The following FOCAD variants were observed in gnomAD, a reference collection of about 807,000 sequenced individuals.
The protein encoded by FOCAD is KIAA1797.
In FOCAD, 198 loss-of-function variants were observed where a neutral mutation model predicts 225.6. The observed-to-expected ratio is 0.88, with a 90% CI of 0.78 to 0.99. The LOEUF is 0.99. FOCAD is among the 50% of genes least tolerant of loss of function. The pLI is 0.00. For missense variants in FOCAD, 2,713 were observed against 2,123.6 expected, an observed-to-expected ratio of 1.28 and a Z score of -5.46; for synonymous variants, 897 against 755.0, an observed-to-expected ratio of 1.19 and a Z score of -3.08.
chr9:20,769,954 T>C, intron 7 of FOCAD, 78 bp from the exon 8 acceptor site: 1 of 1,338,112 alleles, frequency 7.5e-7, no homozygotes, highest in South Asian at 1.3e-5. Context: ...ATTACATTGT[T>C]CAAAGCTTTT....
chr9:20,719,273 G>T (rs913058118), intron 3 of FOCAD, among the ~76,000 whole-genome samples: 1 of 152,042 alleles, frequency 6.6e-6, no homozygotes, highest in Non-Finnish European at 1.5e-5. Context: ...AGTAGAGACT[G>T]GGTTTCACCA....
At chr9:20,817,674 G>A (rs913647709) in intron 11 of FOCAD, among the ~76,000 whole-genome samples, 9 of 150,056 alleles carry the variant, frequency 6.0e-5, no homozygotes, top group Admixed American at 4.0e-4. Flanking sequence ...TTTTCTCTTA[G>A]CATAATGTTT....
chr9:20,935,946 A>T (rs968137655), intron 28 of FOCAD, among the ~76,000 whole-genome samples: 1 of 152,226 alleles, frequency 6.6e-6, no homozygotes, highest in Non-Finnish European at 1.5e-5. Context: ...TCATTTCATT[A>T]ATGAAAGATA....
intron 29 of FOCAD, among the ~76,000 whole-genome samples, chr9:20,945,150 C>G (rs537468799): frequency 6.6e-6 from 1 of 152,180 alleles, no homozygotes; most frequent in Admixed American, 6.5e-5. Context: ...AACTGCTGAT[C>G]AAAAGGCGTT....
chr9:20,717,838 T>G lies in FOCAD; in HGVS notation c.102T>G (p.Phe34Leu). 6.2e-7 allele frequency: 1 copy of G among 1,612,808 alleles called. No individual in the cohort carries two copies. Among genetic ancestry groups the G allele is most frequent in the Non-Finnish European group, 8.5e-7 (1 of 1,179,466 alleles). ...LIAAVLKENG[F>L]SEKIHQSTNQ... Reference sequence around the variant, plus strand: ...CTGCAGTCCTAAAGGAAAATGGTTTTTCAGAAAAGATTCACCAATCTACAA... The same window carrying G: ...CTGCAGTCCTAAAGGAAAATGGTTTGTCAGAAAAGATTCACCAATCTACAA... Residue 34 changes from phenylalanine to leucine, a missense_variant, in exon 3 of 44, where the codon TTT becomes TTG. Coordinates refer to ENST00000338382, the MANE Select transcript of FOCAD (RefSeq NM_001375567.1).
intron 9 of FOCAD, among the ~76,000 whole-genome samples, chr9:20,779,265 G>A (rs1819109747): frequency 6.6e-6 from 1 of 152,228 alleles, no homozygotes; most frequent in Non-Finnish European, 1.5e-5. Context: ...TTCTAGTTAA[G>A]AAGAATGTGG....
intron 7 of FOCAD, among the ~76,000 whole-genome samples, chr9:20,768,633 T>C (rs1817843169): frequency 6.6e-6 from 1 of 152,178 alleles, no homozygotes; most frequent in Admixed American, 6.6e-5. Context: ...GTCTTACTTA[T>C]ACTGAGCACT....
chr9:20,862,866 C>G, intron 16 of FOCAD, 154 bp downstream of exon 16: 1 of 622,834 alleles, frequency 1.6e-6, no homozygotes, highest in Non-Finnish European at 2.5e-6. Context: ...AGTAAGATAG[C>G]TCCTCATCAA....
chr9:20,706,027 T>C lies in FOCAD; in HGVS notation c.-32-9295T>C, dbSNP rs565438734. On this transcript the variant is annotated intron_variant, in intron 1 of 43. Coordinates refer to ENST00000338382, the MANE Select transcript of FOCAD (RefSeq NM_001375567.1). Reference sequence around the variant, plus strand: ...CTGGCTCTCTGGAGCCTTGATCTACTGGACTCAAGTGATCTTCCCACCTCA... The same window carrying C: ...CTGGCTCTCTGGAGCCTTGATCTACCGGACTCAAGTGATCTTCCCACCTCA... Among the ~76,000 whole-genome samples, 42 of 149,200 alleles carry C rather than the reference T, an allele frequency of 2.8e-4. 1 individual carries two copies. The highest frequency in any genetic ancestry group is 1.0e-3 in the African/African-American group (42 of 40,510).
rs1564024181 is a variant in FOCAD at position 20,815,123 on chromosome 9, G to GTGTTTTTTTTTTTTTTTTTTTTTTTT, written c.1456-4672_1456-4671insGTTTTTTTTTTTTTTTTTTTTTTTTT. ...TCTGGAAATATCATTACTTCTCTTT[G>GTGTTTTTTTTTTTTTTTTTTTTTTTT]TTTTTTTTTTTTTGTTTTTTTTTTT... On this transcript the variant is annotated intron_variant, in intron 11 of 43. Transcript: ENST00000338382. 5.9e-4 allele frequency among the ~76,000 whole-genome samples: 50 copies of GTGTTTTTTTTTTTTTTTTTTTTTTTT among 85,384 alleles called. 13 individuals are homozygous for GTGTTTTTTTTTTTTTTTTTTTTTTTT. The highest frequency in any genetic ancestry group is 8.5e-4 in the Non-Finnish European group (38 of 44,550). The allele number at this position is 85,384 out of a possible 152,430, so 56.0% of individuals were successfully genotyped here.
At chr9:20,807,797 C>A (rs1297949353) in intron 11 of FOCAD, among the ~76,000 whole-genome samples, 2 of 152,134 alleles carry the variant, frequency 1.3e-5, no homozygotes, top group Non-Finnish European at 2.9e-5. Flanking sequence ...CGCCTGCAAT[C>A]CCAGCACTTT....
chr9:20,831,340 C>G (rs1022873221), intron 15 of FOCAD, among the ~76,000 whole-genome samples: 12 of 152,058 alleles, frequency 7.9e-5, no homozygotes, highest in African/African-American at 2.9e-4. Flanking sequence ...CTTTCAAACC[C>G]TGTCTGTTGC....
At chr9:20,776,999 T>G (rs1421190993) in intron 8 of FOCAD, among the ~76,000 whole-genome samples, 1 of 152,230 alleles carries the variant, frequency 6.6e-6, no homozygotes, top group Non-Finnish European at 1.5e-5. Flanking sequence ...TTCGACTGTA[T>G]TTCAAAACAA....
rs747025422 is a variant in FOCAD at position 20,923,657 on chromosome 9, C to A, written c.2853-3C>A. The A allele has an allele frequency of 6.2e-7, 1 of 1,612,692 alleles. No homozygotes were observed. The highest frequency in any genetic ancestry group is 8.5e-7 in the Non-Finnish European group (1 of 1,178,988). On this transcript the variant is annotated splice_polypyrimidine_tract_variant and splice_region_variant and intron_variant, in intron 24 of 43. Transcript: ENST00000338382. ...CTGTTGAAATTTTTTTCCTTTTGAA[C>A]AGGGAGAGTCCGGTAGTGAAAGGCA...
At chr9:20,768,677 G>A (rs1817848441) in intron 7 of FOCAD, among the ~76,000 whole-genome samples, 1 of 152,118 alleles carries the variant, frequency 6.6e-6, no homozygotes, top group Non-Finnish European at 1.5e-5. Flanking sequence ...TAAAATACAA[G>A]CTTTAGAAAT....
At chr9:20,805,638 G>T (rs1034300742) in intron 11 of FOCAD, among the ~76,000 whole-genome samples, 2 of 151,888 alleles carry the variant, frequency 1.3e-5, no homozygotes, top group Non-Finnish European at 2.9e-5. Context: ...CAAAAGATAT[G>T]GAACTGTTAA....
intron 35 of FOCAD, among the ~76,000 whole-genome samples, chr9:20,964,766 C>T (rs1052067731): frequency 7.2e-5 from 11 of 152,140 alleles, no homozygotes; most frequent in African/African-American, 2.2e-4. Flanking sequence ...GATCTCTTGA[C>T]CTCATGATCC....
chr9:20,753,799 T>C (rs933453428), intron 5 of FOCAD, among the ~76,000 whole-genome samples: 2 of 151,862 alleles, frequency 1.3e-5, no homozygotes, highest in African/African-American at 4.9e-5. Flanking sequence ...ATATAAATAA[T>C]AATAACGATG....
chr9:20,855,023 T>A (rs1479809514), intron 15 of FOCAD, among the ~76,000 whole-genome samples: 1 of 151,798 alleles, frequency 6.6e-6, no homozygotes, highest in Admixed American at 6.6e-5. Flanking sequence ...TTACAAAGAA[T>A]GGCAATAGAC....
Sources: gnomAD v4.1 joint callset for allele counts (sites outside exome capture counted in the v4.1 genomes callset) on GRCh38, gnomAD v4.1.1 for gene constraint, MANE v1.5 for transcripts, NCBI Gene and HGNC (gene_info 2026-07-23, HGNC 2026-07-21) for gene names.